The following CNOT6 variants were observed in gnomAD, a reference collection of about 807,000 sequenced individuals.
CNOT6 encodes the protein carbon catabolite repression 4 protein.
In CNOT6, 12 loss-of-function variants were observed where a neutral mutation model predicts 61.2. That is an observed-to-expected ratio of 0.20 (90% CI 0.13 to 0.32). The LOEUF (loss-of-function observed/expected upper bound fraction) is 0.32. CNOT6 is among the 10% of genes least tolerant of loss of function. The probability of loss-of-function intolerance (pLI) is 1.00; values close to 1 mark genes in which losing one functional copy is unlikely to be tolerated. For missense variants in CNOT6, 405 were observed against 663.9 expected (o/e 0.61, Z 4.28); for synonymous variants, 225 against 240.6 (o/e 0.94, Z 0.60).
At chr5:180,546,369 T>A (rs1412502278) in intron 2 of CNOT6, among the ~76,000 whole-genome samples, 3 of 152,228 alleles carry the variant, frequency 2.0e-5, no homozygotes, top group Non-Finnish European at 4.4e-5. Context: ...TAATAGAGCT[T>A]TTTTTAAATC....
At chr5:180,521,651 A>G (rs1284199958) in intron 1 of CNOT6, among the ~76,000 whole-genome samples, 1 of 152,166 alleles carries the variant, frequency 6.6e-6, no homozygotes, top group Non-Finnish European at 1.5e-5. Context: ...TGGGACATAA[A>G]TGATCCCATC....
intron 2 of CNOT6, among the ~76,000 whole-genome samples, chr5:180,538,686 GTATATATATATATATATATATA>G (rs59342527): frequency 1.3e-4 from 11 of 85,082 alleles, no homozygotes; most frequent in Non-Finnish European, 1.9e-4. Context: ...TGAGAAAAAG[GTATATATATATATATATATATA>G]TATATATACA....
At chr5:180,516,611 A>G (rs1757648619) in intron 1 of CNOT6, among the ~76,000 whole-genome samples, 1 of 152,234 alleles carries the variant, frequency 6.6e-6, no homozygotes, top group Non-Finnish European at 1.5e-5. Flanking sequence ...TTAACAAAAA[A>G]CCACATTTTT....
At chr5:180,563,827 C>G (rs919472896) in intron 4 of CNOT6, among the ~76,000 whole-genome samples, 1 of 152,118 alleles carries the variant, frequency 6.6e-6, no homozygotes, top group African/African-American at 2.4e-5. Flanking sequence ...ATAAGAAACC[C>G]TTCTGAGAGG....
At chr5:180,499,823 G>A (rs1756782414) in intron 1 of CNOT6, among the ~76,000 whole-genome samples, 1 of 152,194 alleles carries the variant, frequency 6.6e-6, no homozygotes, top group African/African-American at 2.4e-5. Flanking sequence ...CTGTGAAGTG[G>A]TAGAAGAATT....
rs1481076677 is a variant in CNOT6 at position 180,576,895 on chromosome 5, T to G, written c.*2695T>G. The G allele has an allele frequency of 6.6e-6, 1 of 152,256 alleles. No homozygotes were observed. The highest frequency in any genetic ancestry group is 1.5e-5 in the Non-Finnish European group (1 of 68,044). 9.4% of individuals were successfully genotyped at this position (152,256 alleles called of 1,614,324 possible). A position where few individuals can be genotyped will look rare whatever the true frequency, so the allele number is the denominator to read the frequency against. ...TGCCATAATGTCATTTCAGTATTTTTGCTGGATAAATCCATTTTAGAAATG... is the reference window on the plus strand; with the variant it reads ...TGCCATAATGTCATTTCAGTATTTTGGCTGGATAAATCCATTTTAGAAATG... On this transcript the variant is annotated 3_prime_UTR_variant, in exon 12 of 12. Transcript: ENST00000261951.
At chr5:180,528,051 G>A (rs747683233) in intron 1 of CNOT6, among the ~76,000 whole-genome samples, 13 of 151,742 alleles carry the variant, frequency 8.6e-5, no homozygotes, top group South Asian at 4.2e-4. Context: ...AAACTGGTCC[G>A]TGGTGCCAAA....
Position 180,571,380 on chromosome 5 carries a change from G to A in CNOT6, c.1409G>A (p.Ser470Asn). Residue 470 changes from serine (S) to asparagine (N), a missense_variant, in exon 11 of 12, where the codon AGT becomes AAT. By Grantham distance (46) the Ser-to-Asn change is conservative (BLOSUM62 1). This residue lies in a region of CNOT6 where 116 missense variants were observed against 184.6 expected (regional missense o/e 0.63). Transcript: ENST00000261951. ...ATCACTCATGGTTTCAAGTTACAGAGTGCCTATGAGAGTGGCCTGATGCCT... is the reference window on the plus strand; with the variant it reads ...ATCACTCATGGTTTCAAGTTACAGAATGCCTATGAGAGTGGCCTGATGCCT... ...GRITHGFKLQ[S>N]AYESGLMPYT... The A allele has an allele frequency of 6.2e-7, 1 of 1,614,192 alleles. No individual in the cohort carries two copies. The highest frequency in any genetic ancestry group is 8.5e-7 in the Non-Finnish European group (1 of 1,180,000).
intron 3 of CNOT6, 123 bp from the exon 4 acceptor site, chr5:180,553,263 A>G (rs1386366421): frequency 3.1e-6 from 2 of 635,794 alleles, no homozygotes; most frequent in African/African-American, 1.8e-5. Flanking sequence ...AGTACTAGAC[A>G]TTGAAATATA....
intron 6 of CNOT6, 82 bp from the exon 7 acceptor site, chr5:180,565,738 T>G (rs528993002): frequency 7.6e-7 from 1 of 1,311,782 alleles, no homozygotes; most frequent in Non-Finnish European, 1.0e-6. Flanking sequence ...AAACTTAACA[T>G]TTAAGTGAAA....
chr5:180,539,663 T>TACTGCAAGCTCTGCCTCCCAGGTTC (rs1758926580), intron 2 of CNOT6, among the ~76,000 whole-genome samples: 1 of 131,456 alleles, frequency 7.6e-6, no homozygotes, highest in Non-Finnish European at 1.6e-5. Context: ...GATCTCGGCT[T>TACTGCAAGCTCTGCCTCCCAGGTTC]ACTGCAAGCT....
intron 1 of CNOT6, among the ~76,000 whole-genome samples, chr5:180,498,002 C>T (rs917855973): frequency 6.7e-6 from 1 of 149,278 alleles, no homozygotes; most frequent in Admixed American, 6.7e-5. Context: ...GAGAGCACGC[C>T]ATTGCACTCC....
Position 180,576,846 on chromosome 5 carries a change from C to A in CNOT6, c.*2646C>A, listed in dbSNP as rs529370244. 1 of 151,786 alleles carries A rather than the reference C, an allele frequency of 6.6e-6. No individual in the cohort carries two copies. The highest frequency in any genetic ancestry group is 6.6e-5 in the Admixed American group (1 of 15,248). 9.4% of individuals were successfully genotyped at this position (151,786 alleles called of 1,614,324 possible). A position where few individuals can be genotyped will look rare whatever the true frequency, so the allele number is the denominator to read the frequency against. On this transcript the variant is annotated 3_prime_UTR_variant, in exon 12 of 12. Transcript: ENST00000261951. Reference sequence around the variant, plus strand: ...CGGTGTATATTTTTTTTCAAAAATTCTGTAACAAATATATTTAATGTGTTG... The same window carrying A: ...CGGTGTATATTTTTTTTCAAAAATTATGTAACAAATATATTTAATGTGTTG...
chr5:180,574,382 C>T lies in CNOT6; in HGVS notation c.*182C>T. ...TGCTAGCAACAGACAAATTCTGAGC[C>T]CAATATGCTTTATACTGCTAGACAG... On this transcript the variant is annotated 3_prime_UTR_variant, in exon 12 of 12. Coordinates refer to ENST00000261951, the MANE Select transcript of CNOT6 (RefSeq NM_001370472.1). The T allele has an allele frequency of 1.6e-6, 1 of 612,530 alleles. No homozygotes were observed. Among genetic ancestry groups the T allele is most frequent in the East Asian group, 2.8e-5 (1 of 36,320 alleles). The allele number at this position is 612,530 out of a possible 1,614,324, so 37.9% of individuals were successfully genotyped here.
rs1316001584 is a variant in CNOT6 at position 180,494,446 on chromosome 5, AGGCGGCGGCGTCGGTGGC to A, written c.-312_-295del. ...GAAAACGAGGGGGGCGCGGAGGAGG[AGGCGGCGGCGTCGGTGGC>A]GGCGGCGACGGCGGCGCGGAGGCGA... On this transcript the variant is annotated 5_prime_UTR_variant, in exon 1 of 12. Transcript: ENST00000261951. 6.4e-6 allele frequency: 1 copy of A among 155,096 alleles called. No homozygotes were observed. Among genetic ancestry groups the A allele is most frequent in the Non-Finnish European group, 1.4e-5 (1 of 70,424 alleles). The allele number at this position is 155,096 out of a possible 1,614,324, so 9.6% of individuals were successfully genotyped here.
chr5:180,568,246 G>C (rs917766900), intron 9 of CNOT6, among the ~76,000 whole-genome samples: 18 of 99,440 alleles, frequency 1.8e-4, no homozygotes, highest in African/African-American at 6.1e-4. Flanking sequence ...TTTTTTTTTT[G>C]CTCCTAAGAA....
At chr5:180,538,143 A>G (rs1156352885) in intron 2 of CNOT6, among the ~76,000 whole-genome samples, 1 of 144,292 alleles carries the variant, frequency 6.9e-6, no homozygotes, top group Admixed American at 7.4e-5. Flanking sequence ...GGTTCAAGCC[A>G]TTGTCCTGCC....
intron 2 of CNOT6, among the ~76,000 whole-genome samples, chr5:180,541,441 ATTTTTTTTT>A (rs1163850404): frequency 8.4e-5 from 9 of 106,578 alleles, no homozygotes; most frequent in East Asian, 6.2e-4. Context: ...TGGCCAAGAA[ATTTTTTTTT>A]TTTTTTTTTT....
intron 1 of CNOT6, among the ~76,000 whole-genome samples, chr5:180,509,111 C>T (rs528643648): frequency 6.6e-6 from 1 of 152,156 alleles, no homozygotes; most frequent in South Asian, 2.1e-4. Context: ...TGAGCCACAG[C>T]GCCCGGCCTA....
Sources: allele counts gnomAD v4.1 joint callset (sites outside exome capture counted in the v4.1 genomes callset), GRCh38; gene constraint gnomAD v4.1.1; regional missense constraint gnomAD v4.1.1; transcripts MANE v1.5; gene names NCBI Gene and HGNC (gene_info 2026-07-23, HGNC 2026-07-21).